Variants in DCC observed in about 807,000 individuals in gnomAD.
The protein encoded by DCC is DCC netrin 1 receptor.
DCC carries 58 observed loss-of-function variants against 172.5 expected under a neutral mutation model. The ratio of observed to expected loss-of-function variants is 0.34; its 90% CI spans 0.27 to 0.42. The LOEUF is 0.42. Among genes scored for constraint, DCC ranks in the 10% least tolerant of loss-of-function variants. DCC has a pLI of 1.00. For missense variants in DCC, 1,740 were observed against 1,791.0 expected, an observed-to-expected ratio of 0.97 and a Z score of 0.51; for synonymous variants, 709 against 644.5, an observed-to-expected ratio of 1.10 and a Z score of -1.52.
intron 2 of DCC, among the ~76,000 whole-genome samples, chr18:52,815,411 T>TACACACACACAC (rs34924244): frequency 3.0e-4 from 45 of 150,116 alleles, no homozygotes; most frequent in African/African-American, 1.0e-3. Context: ...TTCTCACACG[T>TACACACACACAC]ACACACACAC....
At chr18:53,191,350 A>T (rs1246760876) in intron 9 of DCC, among the ~76,000 whole-genome samples, 3 of 152,188 alleles carry the variant, frequency 2.0e-5, no homozygotes, top group African/African-American at 7.2e-5. Flanking sequence ...TATGCCACAG[A>T]GTGTTTAAAT....
At chr18:52,542,231 A>T (rs1209255203) in intron 1 of DCC, among the ~76,000 whole-genome samples, 1 of 151,892 alleles carries the variant, frequency 6.6e-6, no homozygotes, top group South Asian at 2.1e-4. Flanking sequence ...ATTTTTCTAA[A>T]TATTTAATTC....
chr18:53,269,074 C>T (rs1033695834), intron 12 of DCC, among the ~76,000 whole-genome samples: 6 of 152,044 alleles, frequency 3.9e-5, no homozygotes, highest in African/African-American at 1.4e-4. Context: ...CAACAATTAT[C>T]CTGATAGATG....
intron 1 of DCC, among the ~76,000 whole-genome samples, chr18:52,600,517 T>G (rs577341564): frequency 6.6e-6 from 1 of 152,342 alleles, no homozygotes; most frequent in Admixed American, 6.5e-5. Flanking sequence ...ATACCAGAAT[T>G]AGCTCATCAA....
intron 12 of DCC, among the ~76,000 whole-genome samples, chr18:53,276,153 G>A (rs974280445): frequency 1.3e-5 from 2 of 152,072 alleles, no homozygotes; most frequent in African/African-American, 4.8e-5. Flanking sequence ...TATCAACTTT[G>A]ACATCTTCTC....
At chr18:53,083,249 A>G (rs1013253265) in intron 7 of DCC, among the ~76,000 whole-genome samples, 4 of 152,148 alleles carry the variant, frequency 2.6e-5, no homozygotes, top group African/African-American at 9.6e-5. Context: ...TGAGATATAC[A>G]TAGAAGATTC....
chr18:53,097,541 A>T (rs1229809681), intron 7 of DCC, among the ~76,000 whole-genome samples: 1 of 152,202 alleles, frequency 6.6e-6, no homozygotes, highest in East Asian at 1.9e-4. Flanking sequence ...ACCAGATTGA[A>T]GCATACATAT....
chr18:53,526,861 C>CCCCAGGCCA (rs1476093590), intron 28 of DCC, 102 bp downstream of exon 28: 1 of 1,069,598 alleles, frequency 9.3e-7, no homozygotes, highest in Non-Finnish European at 1.4e-6. Context: ...CCCCAGGCCA[C>CCCCAGGCCA]CCCAGGCCAT....
At chr18:52,551,673 A>G (rs2032773542) in intron 1 of DCC, among the ~76,000 whole-genome samples, 1 of 151,850 alleles carries the variant, frequency 6.6e-6, no homozygotes, top group Admixed American at 6.6e-5. Flanking sequence ...ATGATAATAC[A>G]GAATAACTTA....
At chr18:52,852,819 T>C (rs2038997008) in intron 2 of DCC, among the ~76,000 whole-genome samples, 1 of 152,146 alleles carries the variant, frequency 6.6e-6, no homozygotes, top group Admixed American at 6.5e-5. Context: ...TGTTGAAAAA[T>C]CAGCATTTAT....
At chr18:53,176,622 C>A (rs1230172697) in intron 8 of DCC, among the ~76,000 whole-genome samples, 1 of 152,148 alleles carries the variant, frequency 6.6e-6, no homozygotes, top group East Asian at 1.9e-4. Flanking sequence ...ATCAAAACCA[C>A]AATGAGATAC....
At chr18:53,461,124 G>T (rs1328447227) in intron 24 of DCC, among the ~76,000 whole-genome samples, 3 of 152,070 alleles carry the variant, frequency 2.0e-5, no homozygotes, top group African/African-American at 7.2e-5. Flanking sequence ...TTTTTGATGG[G>T]GTTGTTTGTT....
intron 26 of DCC, among the ~76,000 whole-genome samples, chr18:53,493,824 C>G (rs1416227451): frequency 6.6e-6 from 1 of 151,862 alleles, no homozygotes; most frequent in Non-Finnish European, 1.5e-5. Flanking sequence ...GTCTCTATCT[C>G]CTTCAGTTCT....
chr18:53,113,146 T>C (rs2043358458), intron 7 of DCC, among the ~76,000 whole-genome samples: 2 of 151,478 alleles, frequency 1.3e-5, no homozygotes, highest in African/African-American at 4.8e-5. Flanking sequence ...CATCCATGAA[T>C]GCTTATTTGA....
chr18:53,016,141 G>A (rs2041805134), intron 5 of DCC, among the ~76,000 whole-genome samples: 1 of 151,980 alleles, frequency 6.6e-6, no homozygotes, highest in Admixed American at 6.6e-5. Context: ...ATCTTCTCAA[G>A]CTCCATTAAA....
intron 2 of DCC, chr18:52,892,662 G>A (rs183460259): frequency 3.9e-5 from 6 of 152,118 alleles, no homozygotes; most frequent in African/African-American, 7.2e-5. Context: ...TTTTCCCTTC[G>A]AGTGGCTATT....
intron 1 of DCC, among the ~76,000 whole-genome samples, chr18:52,581,153 T>C (rs2033536479): frequency 2.0e-5 from 1 of 49,402 alleles, no homozygotes; most frequent in South Asian, 6.4e-4. Context: ...TATATAGTTA[T>C]ACACACACAA....
At chr18:53,305,943 T>C (rs2057195563) in intron 13 of DCC, among the ~76,000 whole-genome samples, 1 of 152,232 alleles carries the variant, frequency 6.6e-6, no homozygotes, top group African/African-American at 2.4e-5. Flanking sequence ...ACATGTATCA[T>C]AAAATTTTTA....
intron 1 of DCC, among the ~76,000 whole-genome samples, chr18:52,600,431 G>A (rs991795366): frequency 3.9e-5 from 6 of 152,012 alleles, no homozygotes; most frequent in African/African-American, 1.5e-4. Flanking sequence ...CTTGATATTT[G>A]GGCAAGAAAA....
Sources: gnomAD v4.1 joint callset for allele counts (sites outside exome capture counted in the v4.1 genomes callset) on GRCh38, gnomAD v4.1.1 for gene constraint, MANE v1.5 for transcripts, NCBI Gene and HGNC (gene_info 2026-07-23, HGNC 2026-07-21) for gene names.